The following SH3RF2 variants were observed in gnomAD, a reference collection of about 807,000 sequenced individuals.
The protein encoded by SH3RF2 is E3 ubiquitin-protein ligase SH3RF2.
In SH3RF2, 43 loss-of-function variants were observed where a neutral mutation model predicts 59.0. The observed-to-expected ratio is 0.73, with a 90% CI of 0.57 to 0.94. SH3RF2 has a LOEUF of 0.94. SH3RF2 is among the 40% of genes least tolerant of loss of function. SH3RF2 has a pLI of 0.00. For missense variants in SH3RF2, 930 were observed against 940.1 expected, an observed-to-expected ratio of 0.99 and a Z score of 0.14; for synonymous variants, 391 against 391.5, an observed-to-expected ratio of 1.00 and a Z score of 0.01.
intron 9 of SH3RF2, among the ~76,000 whole-genome samples, chr5:146,070,354 GA>G (rs780935228): frequency 6.6e-6 from 1 of 152,092 alleles, no homozygotes; most frequent in Non-Finnish European, 1.5e-5. Context: ...AGCCCTCCCA[GA>G]AAAAAACCAT....
chr5:146,049,600 A>G (rs995632588), intron 7 of SH3RF2, among the ~76,000 whole-genome samples: 1 of 151,890 alleles, frequency 6.6e-6, no homozygotes, highest in Non-Finnish European at 1.5e-5. Flanking sequence ...CCCACTTCAC[A>G]TCCTCTATCC....
chr5:146,029,598 T>G (rs1761670240), intron 5 of SH3RF2, among the ~76,000 whole-genome samples: 1 of 152,172 alleles, frequency 6.6e-6, no homozygotes, highest in Non-Finnish European at 1.5e-5. Flanking sequence ...CAAACAAGCT[T>G]CTGTGCTATT....
At chr5:145,950,884 T>C (rs973056916) in intron 2 of SH3RF2, among the ~76,000 whole-genome samples, 1 of 152,230 alleles carries the variant, frequency 6.6e-6, no homozygotes, top group African/African-American at 2.4e-5. Context: ...AAACTCTGCT[T>C]CCAATCCTGT....
At chr5:146,029,771 T>C (rs1761677061) in intron 5 of SH3RF2, among the ~76,000 whole-genome samples, 1 of 152,068 alleles carries the variant, frequency 6.6e-6, no homozygotes, top group African/African-American at 2.4e-5. Flanking sequence ...TTATTTTTGA[T>C]AAATGACAGT....
At chr5:145,965,620 C>T (rs776250340) in intron 2 of SH3RF2, among the ~76,000 whole-genome samples, 17 of 152,228 alleles carry the variant, frequency 1.1e-4, no homozygotes, top group South Asian at 8.3e-4. Context: ...TGGAAAAGAA[C>T]GGAGGTAATT....
chr5:146,017,625 G>A (rs1248020004), intron 5 of SH3RF2, among the ~76,000 whole-genome samples: 1 of 152,036 alleles, frequency 6.6e-6, no homozygotes, highest in Non-Finnish European at 1.5e-5. Context: ...TAGCAGAACT[G>A]CTATGCAACT....
chr5:146,050,869 G>C (rs1762470431), intron 7 of SH3RF2, among the ~76,000 whole-genome samples: 1 of 152,222 alleles, frequency 6.6e-6, no homozygotes, highest in Non-Finnish European at 1.5e-5. Flanking sequence ...AAGTAAGAAG[G>C]AAAGCAGGAG....
At chr5:146,025,394 C>T (rs1013508698) in intron 5 of SH3RF2, among the ~76,000 whole-genome samples, 1 of 152,254 alleles carries the variant, frequency 6.6e-6, no homozygotes, top group East Asian at 1.9e-4. Flanking sequence ...GGCTGGCCCC[C>T]AGTCCAGGCC....
chr5:146,060,669 G>A (rs990801599), intron 9 of SH3RF2, among the ~76,000 whole-genome samples: 6 of 152,194 alleles, frequency 3.9e-5, no homozygotes, highest in South Asian at 2.1e-4. Context: ...GAGATTAAAC[G>A]AGATATGTGA....
At chr5:146,067,302 T>G (rs1350440847), downstream of SH3RF2, among the ~76,000 whole-genome samples, 2 of 152,104 alleles carry the variant, frequency 1.3e-5, no homozygotes, top group Non-Finnish European at 2.9e-5. Context: ...GGCGGCTGGA[T>G]CAGGGTCAAG....
intron 9 of SH3RF2, among the ~76,000 whole-genome samples, chr5:146,073,680 A>G (rs1763282199): frequency 6.6e-6 from 1 of 152,162 alleles, no homozygotes; most frequent in African/African-American, 2.4e-5. Context: ...ACGGATATCA[A>G]CTGAGCATCT....
intron 2 of SH3RF2, 145 bp from the exon 3 acceptor site, chr5:145,999,913 G>T (rs1760328942): frequency 2.3e-6 from 2 of 851,360 alleles, no homozygotes; most frequent in Non-Finnish European, 3.5e-6. Flanking sequence ...ATTTAACACA[G>T]GTTGCCATAA....
intron 2 of SH3RF2, among the ~76,000 whole-genome samples, chr5:145,942,309 G>A (rs1272217127): frequency 6.6e-6 from 1 of 152,164 alleles, no homozygotes; most frequent in Admixed American, 6.5e-5. Flanking sequence ...GGGTTCTGTA[G>A]GGATGGACTT....
chr5:146,041,475 G>T (rs992246124), intron 5 of SH3RF2, among the ~76,000 whole-genome samples: 1 of 152,190 alleles, frequency 6.6e-6, no homozygotes, highest in Non-Finnish European at 1.5e-5. Context: ...CGGTGCCTAG[G>T]ACCCAATAAG....
intron 2 of SH3RF2, among the ~76,000 whole-genome samples, chr5:145,953,328 A>C (rs1758265048): frequency 6.6e-6 from 1 of 152,166 alleles, no homozygotes; most frequent in Non-Finnish European, 1.5e-5. Context: ...AGTGGGTTCC[A>C]ATGAGGGAGA....
At chr5:145,994,607 C>A (rs1243417866) in intron 2 of SH3RF2, among the ~76,000 whole-genome samples, 1 of 152,178 alleles carries the variant, frequency 6.6e-6, no homozygotes, top group Non-Finnish European at 1.5e-5. Context: ...CCCATCAGAT[C>A]TCATGAGACT....
intron 2 of SH3RF2, among the ~76,000 whole-genome samples, chr5:145,945,728 A>T (rs1389424303): frequency 6.6e-6 from 1 of 152,158 alleles, no homozygotes; most frequent in African/African-American, 2.4e-5. Context: ...CCTTCCTATC[A>T]GGGTGACTAG....
rs767606821 is a variant in SH3RF2, at chr5:145,937,954, T to C, written c.26T>C (p.Leu9Pro). Residue 9 changes from leucine to proline, a missense_variant, in exon 2 of 10, where the codon CTT becomes CCT. Physicochemically the swap from Leu to Pro is moderately conservative, Grantham distance 98. Coordinates refer to ENST00000359120, the MANE Select transcript of SH3RF2 (RefSeq NM_152550.4). MDDLTLLD[L>P]LECPVCFEKL... ...ATGGATGATTTGACGTTACTTGATC[T>C]TCTGGAGTGCCCTGTGTGCTTTGAG... is the stretch of plus-strand genomic sequence containing the variant. 2 of 1,614,058 alleles carry C rather than the reference T, an allele frequency of 1.2e-6. No individual in the cohort carries two copies. Among genetic ancestry groups the C allele is most frequent in the Non-Finnish European group, 1.7e-6 (2 of 1,179,972 alleles).
intron 9 of SH3RF2, among the ~76,000 whole-genome samples, chr5:146,077,891 G>T (rs956605677): frequency 2.6e-5 from 4 of 152,004 alleles, no homozygotes; most frequent in Non-Finnish European, 4.4e-5. Context: ...CTCTCAATTT[G>T]TGTTTGTTGT....
Sources: allele counts gnomAD v4.1 joint callset (sites outside exome capture counted in the v4.1 genomes callset), GRCh38; gene constraint gnomAD v4.1.1; transcripts MANE v1.5; gene names NCBI Gene and HGNC (gene_info 2026-07-23, HGNC 2026-07-21).